The following TCF4 variants were observed in gnomAD, a reference collection of about 807,000 sequenced individuals.
TCF4 encodes transcription factor 4, also known as SL3-3 enhancer factor 2.
A neutral mutation model predicts 82.1 loss-of-function variants in TCF4; 3 were observed. The ratio of observed to expected loss-of-function variants is 0.04; its 90% confidence interval spans 0.02 to 0.09. The LOEUF (loss-of-function observed/expected upper bound fraction) is 0.09, where lower values mean the gene tolerates loss of function less well. Among genes scored for constraint, TCF4 ranks in the 10% least tolerant of loss-of-function variants. The probability of loss-of-function intolerance (pLI) is 1.00; values close to 1 mark genes in which losing one functional copy is unlikely to be tolerated. For synonymous variants in TCF4, 276 were observed against 309.6 expected, an observed-to-expected ratio of 0.89 and a Z score of 1.14; for missense variants, 518 against 852.7, an observed-to-expected ratio of 0.61 and a Z score of 4.89.
chr18:55,314,215 C>T (rs1345400598), intron 8 of TCF4, among the ~76,000 whole-genome samples: 4 of 152,160 alleles, frequency 2.6e-5, no homozygotes, highest in African/African-American at 7.2e-5. Context: ...CCCCACATCA[C>T]ACAAAGGAAG....
chr18:55,529,576 A>C (rs1309756238), intron 3 of TCF4, among the ~76,000 whole-genome samples: 1 of 152,160 alleles, frequency 6.6e-6, no homozygotes, highest in Non-Finnish European at 1.5e-5. Flanking sequence ...GGAATGATAC[A>C]GTTAGCATTT....
intron 8 of TCF4, among the ~76,000 whole-genome samples, chr18:55,326,981 G>C (rs1449429943): frequency 6.6e-6 from 1 of 152,118 alleles, no homozygotes; most frequent in Non-Finnish European, 1.5e-5. Flanking sequence ...ATTACTAACA[G>C]GAGGACGCAG....
chr18:55,463,210 G>A (rs2095908392), intron 4 of TCF4, among the ~76,000 whole-genome samples: 1 of 152,154 alleles, frequency 6.6e-6, no homozygotes, highest in Non-Finnish European at 1.5e-5. Flanking sequence ...GGATTTTAGA[G>A]GGCCTAGCAA....
chr18:55,534,000 G>A (rs892206241), intron 3 of TCF4, among the ~76,000 whole-genome samples: 4 of 152,144 alleles, frequency 2.6e-5, no homozygotes, highest in Non-Finnish European at 4.4e-5. Context: ...TGGGATTTTT[G>A]AATATTTGCA....
At chr18:55,518,113 T>A (rs951781098) in intron 3 of TCF4, among the ~76,000 whole-genome samples, 1 of 152,138 alleles carries the variant, frequency 6.6e-6, no homozygotes, top group Non-Finnish European at 1.5e-5. Flanking sequence ...GCTTCAAGAT[T>A]TAGATCTTGA....
chr18:55,458,325 G>A (rs999943195), intron 5 of TCF4, among the ~76,000 whole-genome samples: 11 of 152,180 alleles, frequency 7.2e-5, no homozygotes, highest in Non-Finnish European at 1.3e-4. Flanking sequence ...TTCTGAAAGT[G>A]GAGACTGGAG....
At chr18:55,514,797 T>G (rs1404750451) in intron 3 of TCF4, among the ~76,000 whole-genome samples, 2 of 152,172 alleles carry the variant, frequency 1.3e-5, no homozygotes, top group African/African-American at 4.8e-5. Flanking sequence ...CACAAAGCAA[T>G]TGATGTATAT....
Position 55,227,023 on chromosome 18 carries a change from C to T in TCF4, c.*1012G>A, listed in dbSNP as rs568908202. 5.9e-5 allele frequency: 9 copies of T among 152,694 alleles called. No individual in the cohort carries two copies. The highest frequency in any genetic ancestry group is 2.2e-4 in the African/African-American group (9 of 41,548). The allele number at this position is 152,694 out of a possible 1,614,324, so 9.5% of individuals were successfully genotyped here. A position where few individuals can be genotyped will look rare whatever the true frequency, so the allele number is the denominator to read the frequency against. On this transcript the variant is annotated 3_prime_UTR_variant, in exon 20 of 20. Transcript: ENST00000354452. ...GGTTCACAAACGCAACATTACAATT[C>T]AGACAAACTCTTTTTGCCATGTCTT...
chr18:55,587,961 G>C (rs1192824417), intron 1 of TCF4, 77 bp downstream of exon 1: 1 of 938,090 alleles, frequency 1.1e-6, no homozygotes, highest in Admixed American at 6.4e-5. Flanking sequence ...GCGGAGCCGC[G>C]TGCGGGGCCG....
chr18:55,390,639 A>T (rs2093011117), intron 6 of TCF4, among the ~76,000 whole-genome samples: 1 of 152,260 alleles, frequency 6.6e-6, no homozygotes, highest in Admixed American at 6.5e-5. Context: ...GGAACTCCAA[A>T]GGAGCCTCTG....
At chr18:55,559,639 T>TAA (rs34935191) in intron 3 of TCF4, among the ~76,000 whole-genome samples, 34,777 of 148,470 alleles carry the variant, frequency 0.23, 4,248 homozygotes, top group Admixed American at 0.34. Flanking sequence ...GTTTTTTCTT[T>TAA]AAAAAAAAAA....
At chr18:55,419,487 TTC>T (rs2094648539) in intron 5 of TCF4, among the ~76,000 whole-genome samples, 1 of 152,232 alleles carries the variant, frequency 6.6e-6, no homozygotes, top group African/African-American at 2.4e-5. Context: ...CAAGTGTTTT[TTC>T]ATTTTAATGT....
chr18:55,626,678 G>A (rs1187365794), intron 2 of TCF4, among the ~76,000 whole-genome samples: 15 of 152,298 alleles, frequency 9.8e-5, no homozygotes, highest in Middle Eastern at 3.4e-3. Flanking sequence ...TAAAAGGTAC[G>A]ATAACAGGAT....
intron 17 of TCF4, chr18:55,229,331 G>C: frequency 1.9e-6 from 1 of 519,454 alleles, no homozygotes; most frequent in Non-Finnish European, 3.5e-6. Flanking sequence ...TAAAGTTAGA[G>C]TGCAGGGTGT....
At chr18:55,283,218 G>A in intron 8 of TCF4, among the ~76,000 whole-genome samples, 1 of 149,790 alleles carries the variant, frequency 6.7e-6, no homozygotes, top group Admixed American at 6.6e-5. Flanking sequence ...AATCCAAGAA[G>A]TATTACTATG....
chr18:55,547,911 T>A (rs12963873), intron 3 of TCF4, among the ~76,000 whole-genome samples: 19,807 of 152,200 alleles, frequency 0.13, 1,623 homozygotes, highest in Admixed American at 0.2. Context: ...TGAATTCCCA[T>A]CTAATGTCAT....
In TCF4 at chr18:55,278,600, G is replaced by A. The variant is rs751646987; in HGVS notation, c.655+951C>T. ...TTTATTTATTTTGAGATGGAGTCTC[G>A]CTCTGTTGCCCAGGCTGGAGTGCAG... is the stretch of plus-strand genomic sequence containing the variant. On this transcript the variant is annotated intron_variant, in intron 9 of 19. Transcript: ENST00000354452. Among the ~76,000 whole-genome samples, 16 of 151,960 alleles carry A rather than the reference G, an allele frequency of 1.1e-4. 1 individual carries two copies. The East Asian group carries it at 1.4e-3, about 13-fold the overall frequency.
chr18:55,229,022 C>T lies in TCF4; in HGVS notation c.1704G>A (p.Glu568=), dbSNP rs144068462. ...CTCGGGCATTGTTGGCCATCCTCCG[C>T]TCCTTCTCACGCTCTGCCTTCTGCT... is the stretch of plus-strand genomic sequence containing the variant. The part of the protein sequence containing the change: ...TPEQKAEREK[E]RRMANNARER... The change falls in exon 18 of 20, where the codon GAG becomes GAA. Residue 568 remains glutamate, a synonymous_variant. Coordinates refer to ENST00000354452, the MANE Select transcript of TCF4 (RefSeq NM_001083962.2). 152 of 1,614,048 alleles carry T rather than the reference C, an allele frequency of 9.4e-5. No homozygotes were observed. The highest frequency in any genetic ancestry group is 1.2e-4 in the Non-Finnish European group (136 of 1,180,022).
At chr18:55,275,152 AC>A (rs1415949753) in intron 10 of TCF4, among the ~76,000 whole-genome samples, 2 of 152,086 alleles carry the variant, frequency 1.3e-5, no homozygotes, top group Non-Finnish European at 2.9e-5. Flanking sequence ...TCTTTTGGAT[AC>A]ATCACAACAG....
Sources: allele counts gnomAD v4.1 joint callset (sites outside exome capture counted in the v4.1 genomes callset), GRCh38; gene constraint gnomAD v4.1.1; transcripts MANE v1.5; gene names NCBI Gene and HGNC (gene_info 2026-07-23, HGNC 2026-07-21).